Variants in MIA2 observed in about 807,000 individuals in gnomAD.
The protein encoded by MIA2 is MIA SH3 domain ER export factor 2.
Under a neutral mutation model 167.8 loss-of-function variants are expected in MIA2, and 127 were observed. That is an observed-to-expected ratio of 0.76 (90% CI 0.66 to 0.88). The LOEUF (loss-of-function observed/expected upper bound fraction) is 0.88, where lower values mean the gene tolerates loss of function less well. Among genes scored for constraint, MIA2 ranks in the 40% least tolerant of loss-of-function variants. The pLI, the probability that MIA2 is intolerant of heterozygous loss-of-function variation, is 0.00. For synonymous variants in MIA2, 552 were observed against 541.9 expected, an observed-to-expected ratio of 1.02 and a Z score of -0.26; for missense variants, 1,690 against 1,624.7, an observed-to-expected ratio of 1.04 and a Z score of -0.69.
rs753057600 is a variant in MIA2, at chr14:39,371,593, C to T, written c.2249-15292C>T. 3.7e-4 allele frequency among the ~76,000 whole-genome samples: 57 copies of T among 152,282 alleles called. 1 individual carries two copies. Among genetic ancestry groups the T allele is most frequent in the Non-Finnish European group, 6.9e-4 (47 of 68,018 alleles). ...TTTACAGATTTTGATATGAGTGCTA[C>T]AAAAGAGATGATGGGTTTTTTGTGT... On this transcript the variant is annotated intron_variant, in intron 23 of 23. Transcript: ENST00000341502.
chr14:39,243,219 T>G (rs2054135863), intron 3 of MIA2, among the ~76,000 whole-genome samples: 1 of 152,042 alleles, frequency 6.6e-6, no homozygotes, highest in South Asian at 2.1e-4. Context: ...TCTCAGTTGA[T>G]TTCCTAAGGA....
At chr14:39,383,655 G>A (rs2075213486) in intron 23 of MIA2, among the ~76,000 whole-genome samples, 2 of 152,230 alleles carry the variant, frequency 1.3e-5, no homozygotes, top group Non-Finnish European at 2.9e-5. Context: ...TGAATGCAAA[G>A]GAGAAGTTCT....
chr14:39,241,213 C>A (rs2054021367), intron 3 of MIA2, among the ~76,000 whole-genome samples: 1 of 152,104 alleles, frequency 6.6e-6, no homozygotes, highest in African/African-American at 2.4e-5. Flanking sequence ...TGTTGGGCTT[C>A]AAGGGAATCA....
At chr14:39,304,266 T>G in intron 16 of MIA2, 25 bp from the exon 17 acceptor site, 1 of 1,169,150 alleles carries the variant, frequency 8.6e-7, no homozygotes, top group Non-Finnish European at 1.2e-6. Flanking sequence ...TAATGTTACT[T>G]TTTTCCTTCT....
intron 1 of MIA2, among the ~76,000 whole-genome samples, chr14:39,234,710 A>G (rs926799322): frequency 6.6e-6 from 1 of 152,096 alleles, no homozygotes; most frequent in Non-Finnish European, 1.5e-5. Context: ...TCAAACCATC[A>G]TGATTTATTC....
rs996580252 is a variant in MIA2 at position 39,276,749 on chromosome 14, A to G, written c.1888-185A>G. ...AGTTTGAAGATAATTGCATTTCACC[A>G]TACTGCTGTTCTTTACTTGGCGATA... On this transcript the variant is annotated intron_variant, in intron 6 of 28. Coordinates refer to ENST00000640607, the MANE Select transcript of MIA2 (RefSeq NM_001329214.4). 5.9e-5 allele frequency: 33 copies of G among 562,328 alleles called. No homozygotes were observed. The African/African-American group carries it at 6.1e-4, about 10-fold the overall frequency. The allele number at this position is 562,328 out of a possible 1,614,324, so 34.8% of individuals were successfully genotyped here.
At chr14:39,291,785 A>G (rs1358535281) in intron 10 of MIA2, among the ~76,000 whole-genome samples, 1 of 152,202 alleles carries the variant, frequency 6.6e-6, no homozygotes, top group Non-Finnish European at 1.5e-5. Context: ...GAAGGAAAGT[A>G]TGGTAATTTG....
At chr14:39,286,183 C>A (rs1464920342) in intron 9 of MIA2, among the ~76,000 whole-genome samples, 1 of 152,272 alleles carries the variant, frequency 6.6e-6, no homozygotes, top group African/African-American at 2.4e-5. Context: ...GAGACTCCAT[C>A]TGCAATCCCG....
intron 2 of MIA2, among the ~76,000 whole-genome samples, chr14:39,237,482 T>A (rs973081245): frequency 6.6e-6 from 1 of 152,188 alleles, no homozygotes; most frequent in African/African-American, 2.4e-5. Flanking sequence ...AAACACGGTG[T>A]ATATATTAAG....
intron 6 of MIA2, among the ~76,000 whole-genome samples, chr14:39,274,169 C>T (rs906329072): frequency 7.9e-5 from 12 of 151,964 alleles, no homozygotes; most frequent in Admixed American, 2.6e-4. Flanking sequence ...TAATCACTAC[C>T]GTACTTTATG....
chr14:39,279,270 T>A (rs2058591901), intron 7 of MIA2, 67 bp from the exon 8 acceptor site: 2 of 1,390,000 alleles, frequency 1.4e-6, no homozygotes, highest in Non-Finnish European at 1.0e-6. Flanking sequence ...GCAGTAGACG[T>A]TAAATGAATT....
At chr14:39,387,041 C>T (rs780133053) in exon 24 of MIA2, 2 of 693,746 alleles carry the variant, frequency 2.9e-6, no homozygotes, top group South Asian at 1.9e-5. Context: ...CCTACAGTGC[C>T]GGGTAGCTGG....
At chr14:39,267,409 G>A (rs761064170) in intron 6 of MIA2, 45 of 1,608,498 alleles carry the variant, frequency 2.8e-5, no homozygotes, top group Non-Finnish European at 3.7e-5. Context: ...GTTTATTGTG[G>A]CCCCGACAGG....
At chr14:39,294,904 G>T in intron 12 of MIA2, 21 bp from the exon 13 acceptor site, 2 of 1,489,382 alleles carry the variant, frequency 1.3e-6, no homozygotes, top group South Asian at 2.3e-5. Flanking sequence ...TTACAAACTT[G>T]ACATTTTTTG....
chr14:39,286,397 A>G (rs2059792014), intron 9 of MIA2, among the ~76,000 whole-genome samples: 1 of 152,212 alleles, frequency 6.6e-6, no homozygotes, highest in South Asian at 2.1e-4. Flanking sequence ...TGGCAGCAGT[A>G]CAGTCCAGCT....
intron 10 of MIA2, chr14:39,292,616 T>A (rs1378035722): frequency 1.1e-5 from 3 of 263,800 alleles, no homozygotes; most frequent in Non-Finnish European, 2.2e-5. Context: ...TATGTATTTT[T>A]TTTGCTTTTA....
At chr14:39,285,703 G>GGGGC (rs1455717963) in intron 9 of MIA2, among the ~76,000 whole-genome samples, 9 of 151,660 alleles carry the variant, frequency 5.9e-5, no homozygotes, top group South Asian at 2.1e-4. Context: ...CTGCCGGGCG[G>GGGGC]AGACGCTCCT....
chr14:39,247,064 G>A lies in MIA2; in HGVS notation c.490G>A (p.Gly164Arg). The change falls in exon 4 of 29, where the codon GGA becomes AGA. Residue 164 changes from glycine to arginine, a missense_variant. By Grantham distance (125) the Gly-to-Arg change is moderately radical (BLOSUM62 -2). Coordinates refer to ENST00000640607, the MANE Select transcript of MIA2 (RefSeq NM_001329214.4). ...TGAAAGTGATTTTCAGATAGAACCT[G>A]GATTTTATGCAACTTATGAAAGTAC... is the stretch of plus-strand genomic sequence containing the variant. ...IYESDFQIEP[G>R]FYATYESTLF... The A allele has an allele frequency of 6.2e-7, 1 of 1,606,888 alleles. No individual in the cohort carries two copies. Among genetic ancestry groups the A allele is most frequent in the Non-Finnish European group, 8.5e-7 (1 of 1,178,304 alleles).
intron 23 of MIA2, among the ~76,000 whole-genome samples, chr14:39,358,904 C>A (rs761742531): frequency 7.0e-4 from 106 of 152,170 alleles, no homozygotes; most frequent in Non-Finnish European, 7.8e-4. Flanking sequence ...CCTGATCGTT[C>A]CTCTGAAAGT....
Sources: allele counts gnomAD v4.1 joint callset (sites outside exome capture counted in the v4.1 genomes callset), GRCh38; gene constraint gnomAD v4.1.1; transcripts MANE v1.5; gene names NCBI Gene and HGNC (gene_info 2026-07-23, HGNC 2026-07-21).